Variants in SAE1 observed in about 807,000 individuals in gnomAD.
The protein encoded by SAE1 is SUMO1 activating enzyme subunit 1.
In SAE1, 11 loss-of-function variants were observed where a neutral mutation model predicts 40.6. That is an observed-to-expected ratio of 0.27 (90% CI 0.17 to 0.45). The LOEUF (loss-of-function observed/expected upper bound fraction) is 0.45. Among genes scored for constraint, SAE1 ranks in the 20% least tolerant of loss-of-function variants. The pLI, the probability that SAE1 is intolerant of heterozygous loss-of-function variation, is 1.00. For missense variants in SAE1, 373 were observed against 427.3 expected (o/e 0.87, Z 1.12); for synonymous variants, 155 against 154.3 (o/e 1.00, Z -0.03).
At chr19:47,184,411 CTTGT>C (rs983019308) in intron 6 of SAE1, among the ~76,000 whole-genome samples, 11 of 151,860 alleles carry the variant, frequency 7.2e-5, no homozygotes, top group African/African-American at 1.9e-4. Context: ...TTGTTTTTTG[CTTGT>C]TTGTTTGTTT....
At chr19:47,159,345 C>G (rs996458090) in intron 5 of SAE1, among the ~76,000 whole-genome samples, 7 of 152,022 alleles carry the variant, frequency 4.6e-5, no homozygotes, top group African/African-American at 1.2e-4. Flanking sequence ...CATGTGGTAC[C>G]TTGGTTTCCA....
chr19:47,200,399 ATTTTTTTT>A (rs35657499), intron 7 of SAE1, among the ~76,000 whole-genome samples: 9 of 102,560 alleles, frequency 8.8e-5, no homozygotes, highest in African/African-American at 1.7e-4. Context: ...AGCCTGCCTA[ATTTTTTTT>A]TTTTTTTTTT....
intron 5 of SAE1, among the ~76,000 whole-genome samples, chr19:47,168,883 C>T (rs531592964): frequency 5.2e-4 from 79 of 152,216 alleles, no homozygotes; most frequent in Middle Eastern, 3.4e-3. Context: ...GGATCACAGG[C>T]GTGAGCCACT....
chr19:47,158,941 G>C (rs1307990397), intron 5 of SAE1, among the ~76,000 whole-genome samples: 2 of 152,156 alleles, frequency 1.3e-5, no homozygotes, highest in Non-Finnish European at 2.9e-5. Flanking sequence ...TAAAATATGT[G>C]AACATCGGGA....
intron 3 of SAE1, 91 bp downstream of exon 3, chr19:47,150,466 C>A: frequency 1.0e-6 from 1 of 997,236 alleles, no homozygotes; most frequent in Non-Finnish European, 1.5e-6. Context: ...AATCTGAGAG[C>A]ATTCAAATAT....
intron 3 of SAE1, among the ~76,000 whole-genome samples, chr19:47,151,065 A>T (rs535371136): frequency 6.6e-6 from 1 of 152,316 alleles, no homozygotes; most frequent in Non-Finnish European, 1.5e-5. Flanking sequence ...TGAAATAGTC[A>T]TAGATGAGCT....
intron 6 of SAE1, among the ~76,000 whole-genome samples, chr19:47,175,230 T>C (rs1264752052): frequency 6.7e-6 from 1 of 149,820 alleles, no homozygotes; most frequent in Non-Finnish European, 1.5e-5. Context: ...TAGGCACTAC[T>C]CTTGTTTCCA....
At position 47,160,743 on chromosome 19, in the gene SAE1, A is replaced by G. The variant is rs547072051; in HGVS notation, c.627+5530A>G. Among the ~76,000 whole-genome samples the G allele has an allele frequency of 3.3e-5, 5 of 151,996 alleles. No individual in the cohort carries two copies. In the East Asian group the frequency reaches 9.8e-4, roughly 30 times the overall value. ...ACGGGGTTTCACCATGTTGACCAGGATGGTCTCAATCTCCTGACCTTGTGA... is the reference window on the plus strand; with the variant it reads ...ACGGGGTTTCACCATGTTGACCAGGGTGGTCTCAATCTCCTGACCTTGTGA... On this transcript the variant is annotated intron_variant, in intron 5 of 8. Coordinates refer to ENST00000270225, the MANE Select transcript of SAE1 (RefSeq NM_005500.3).
intron 5 of SAE1, among the ~76,000 whole-genome samples, chr19:47,158,954 A>G (rs1359907301): frequency 6.6e-6 from 1 of 152,218 alleles, no homozygotes; most frequent in East Asian, 1.9e-4. Flanking sequence ...CATCGGGATC[A>G]TTCTGGAAAA....
rs570347848 is a variant in SAE1, at chr19:47,156,493, T to G, written c.627+1280T>G. 2.0e-5 allele frequency among the ~76,000 whole-genome samples: 3 copies of G among 152,092 alleles called. No individual in the cohort carries two copies. In the East Asian group the frequency reaches 5.8e-4, roughly 30 times the overall value. ...ACTCTGTCTCCAAAAAAAAAAGTTT[T>G]CTTTGCCTGTTTTTTTCCTTTTGCC... On this transcript the variant is annotated intron_variant, in intron 5 of 8. Transcript: ENST00000270225.
At chr19:47,205,199 C>T (rs1389793450) in intron 8 of SAE1, among the ~76,000 whole-genome samples, 1 of 152,044 alleles carries the variant, frequency 6.6e-6, no homozygotes, top group African/African-American at 2.4e-5. Flanking sequence ...TGTCCATGTA[C>T]ATGTCAAGTT....
chr19:47,140,668 C>T (rs1017881989), intron 1 of SAE1, among the ~76,000 whole-genome samples: 1 of 150,580 alleles, frequency 6.6e-6, no homozygotes, highest in Non-Finnish European at 1.5e-5. Flanking sequence ...CAGTGGTGTG[C>T]ACCTATAGTC....
At chr19:47,140,635 A>C (rs929760508) in intron 1 of SAE1, among the ~76,000 whole-genome samples, 14 of 151,670 alleles carry the variant, frequency 9.2e-5, no homozygotes, top group East Asian at 1.9e-4. Context: ...AAAAAAAAAA[A>C]AAACCCATAA....
intron 6 of SAE1, among the ~76,000 whole-genome samples, chr19:47,182,827 A>C (rs1568603337): frequency 6.6e-6 from 1 of 152,134 alleles, no homozygotes; most frequent in East Asian, 1.9e-4. Flanking sequence ...TCAGGCTTGT[A>C]ATCCCAGCCC....
intron 7 of SAE1, among the ~76,000 whole-genome samples, chr19:47,200,742 CACTT>C (rs1163233120): frequency 1.3e-5 from 2 of 152,294 alleles, no homozygotes; most frequent in African/African-American, 4.8e-5. Flanking sequence ...TTTATTGGCA[CACTT>C]ACTCATTTAT....
intron 6 of SAE1, chr19:47,180,025 G>C: frequency 2.7e-6 from 1 of 371,054 alleles, no homozygotes; most frequent in South Asian, 2.0e-5. Context: ...GCTAGAAGGA[G>C]CCATGTGGTA....
chr19:47,201,033 A>ATTTTTTAT (rs1568610734), intron 7 of SAE1, among the ~76,000 whole-genome samples: 1 of 145,958 alleles, frequency 6.9e-6, no homozygotes, highest in Non-Finnish European at 1.5e-5. Context: ...ATTTTTTTTT[A>ATTTTTTAT]TTTTTTTATT....
rs2058314300 is a variant in SAE1 at position 47,155,196 on chromosome 19, A to G, written c.610A>G (p.Thr204Ala). Residue 204 changes from threonine (T) to alanine (A), a missense_variant, in exon 5 of 9, where the codon ACA (threonine) becomes GCA (alanine). Coordinates refer to ENST00000270225, the MANE Select transcript of SAE1 (RefSeq NM_005500.3). ...TKRAKLDSSE[T>A]TMVKKKVVFC... ...GAGAGCAAAACTTGATTCTTCTGAG[A>G]CAACGATGGTCAAAAAGGTATGTGT... The G allele has an allele frequency of 2.5e-6, 4 of 1,613,532 alleles. No homozygotes were observed. Among genetic ancestry groups the G allele is most frequent in the Non-Finnish European group, 3.4e-6 (4 of 1,179,486 alleles).
At chr19:47,201,745 C>T (rs1045448980) in intron 7 of SAE1, among the ~76,000 whole-genome samples, 2 of 151,790 alleles carry the variant, frequency 1.3e-5, no homozygotes, top group Non-Finnish European at 2.9e-5. Flanking sequence ...GCAATTCTTC[C>T]ACCTCAGCCT....
Sources: gnomAD v4.1 joint callset for allele counts (sites outside exome capture counted in the v4.1 genomes callset) on GRCh38, gnomAD v4.1.1 for gene constraint, MANE v1.5 for transcripts, NCBI Gene and HGNC (gene_info 2026-07-23, HGNC 2026-07-21) for gene names.